The following AVEN variants were observed in gnomAD, a reference collection of about 807,000 sequenced individuals.
The protein encoded by AVEN is apoptosis and caspase activation inhibitor.
Under a neutral mutation model 38.1 loss-of-function variants are expected in AVEN, and 41 were observed. The observed-to-expected ratio is 1.08, with a 90% CI of 0.84 to 1.40. The LOEUF is 1.40. Ranked by LOEUF, AVEN falls within the 40% of genes most tolerant of loss-of-function variation. AVEN has a pLI of 0.00. For synonymous variants in AVEN, 206 were observed against 171.8 expected (o/e 1.20, Z -1.56); for missense variants, 605 against 438.8 (o/e 1.38, Z -3.38).
chr15:33,894,809 C>CA (rs796302436), intron 2 of AVEN, among the ~76,000 whole-genome samples: 1,356 of 17,400 alleles, frequency 0.078, 18 homozygotes, highest in African/African-American at 0.11. Flanking sequence ...GACACCATCT[C>CA]AAAAAAAAAA....
At chr15:34,006,751 T>C (rs1250224630) in intron 1 of AVEN, among the ~76,000 whole-genome samples, 3 of 152,022 alleles carry the variant, frequency 2.0e-5, no homozygotes, top group African/African-American at 7.2e-5. Flanking sequence ...AGAGACAGAG[T>C]TGTCATTAGC....
rs570408397 is a variant in AVEN at position 33,860,953 on chromosome 15, G to A, written n.2730-1859C>T. On this transcript the variant is annotated intron_variant and non_coding_transcript_variant, in intron 11 of 11. Transcript: ENST00000675287. ...CAATGTATGGCACTACTGAGTGAAT[G>A]ACTAATAGCCAAAAGCATTAGAAAG... 29 of 723,564 alleles carry A rather than the reference G, an allele frequency of 4.0e-5. No homozygotes were observed. The East Asian group carries it at 8.9e-4, about 22-fold the overall frequency. The allele number at this position is 723,564 out of a possible 1,614,324, so 44.8% of individuals were successfully genotyped here. A position where few individuals can be genotyped will look rare whatever the true frequency, so the allele number is the denominator to read the frequency against.
At chr15:33,878,050 CATTT>C (rs1364684606) in intron 2 of AVEN, among the ~76,000 whole-genome samples, 2 of 152,064 alleles carry the variant, frequency 1.3e-5, no homozygotes, top group African/African-American at 2.4e-5. Context: ...CAGGAATAAA[CATTT>C]ATTAAAAGAA....
intron 4 of AVEN, among the ~76,000 whole-genome samples, chr15:33,870,008 A>C (rs1890867205): frequency 6.6e-6 from 1 of 152,152 alleles, no homozygotes; most frequent in Non-Finnish European, 1.5e-5. Flanking sequence ...CCACTTGGAT[A>C]TCTCAGAGGC....
At chr15:33,913,930 T>C (rs1238730303) in intron 2 of AVEN, among the ~76,000 whole-genome samples, 1 of 152,188 alleles carries the variant, frequency 6.6e-6, no homozygotes, top group Non-Finnish European at 1.5e-5. Context: ...ATGGGAAATA[T>C]GTGGATATAA....
intron 2 of AVEN, among the ~76,000 whole-genome samples, chr15:33,935,343 A>G (rs537895796): frequency 6.6e-6 from 1 of 152,344 alleles, no homozygotes; most frequent in East Asian, 1.9e-4. Flanking sequence ...ATTCACAATT[A>G]TTGCAATAGT....
chr15:33,990,397 G>T (rs1446685322), intron 2 of AVEN, among the ~76,000 whole-genome samples: 1 of 151,772 alleles, frequency 6.6e-6, no homozygotes, highest in Non-Finnish European at 1.5e-5. Flanking sequence ...AAAAAGAAAA[G>T]AAAAGAATGT....
At position 33,866,351 on chromosome 15, in the gene AVEN, G is replaced by C. The variant is rs992114595; in HGVS notation, c.*262C>G. On this transcript the variant is annotated 3_prime_UTR_variant, in exon 6 of 6. Transcript: ENST00000306730. ...ATGTTGTAAACACTGCAAGGAAGGAGGCTAGAAACAAGGGCCAGAGTCTAT... is the reference window on the plus strand; with the variant it reads ...ATGTTGTAAACACTGCAAGGAAGGACGCTAGAAACAAGGGCCAGAGTCTAT... 6 of 505,704 alleles carry C rather than the reference G, an allele frequency of 1.2e-5. No homozygotes were observed. In the South Asian group the frequency reaches 1.4e-4, roughly 12 times the overall value. 31.3% of individuals were successfully genotyped at this position (505,704 alleles called of 1,614,324 possible).
intron 2 of AVEN, among the ~76,000 whole-genome samples, chr15:33,963,524 C>T (rs1895276618): frequency 6.6e-6 from 1 of 152,084 alleles, no homozygotes; most frequent in Admixed American, 6.5e-5. Flanking sequence ...CAGCCGGGCG[C>T]GGTGGCTCAC....
chr15:34,025,560 C>G (rs1898418916), intron 1 of AVEN, among the ~76,000 whole-genome samples: 1 of 152,164 alleles, frequency 6.6e-6, no homozygotes, highest in Non-Finnish European at 1.5e-5. Context: ...TCTGGTGAAA[C>G]CTCTGTAAGG....
intron 1 of AVEN, among the ~76,000 whole-genome samples, chr15:34,033,001 AGTGAC>A (rs1048252138): frequency 6.6e-6 from 1 of 152,228 alleles, no homozygotes; most frequent in African/African-American, 2.4e-5. Context: ...TAATGAACTG[AGTGAC>A]ATTGATATGG....
chr15:34,017,479 TTTTTG>T (rs1342115149), intron 1 of AVEN, among the ~76,000 whole-genome samples: 32 of 48,796 alleles, frequency 6.6e-4, no homozygotes, highest in South Asian at 3.6e-3. Context: ...TATGATTTTT[TTTTTG>T]TTTTTTTTTT....
At position 34,063,560 on chromosome 15, in the gene AVEN, T is replaced by A. The variant is rs922382711; in HGVS notation, n.1127-128A>T. On this transcript the variant is annotated intron_variant and non_coding_transcript_variant, in intron 4 of 11. Coordinates refer to the AVEN transcript ENST00000675287. The surrounding 1 kb of genome is among the most constrained non-coding windows in gnomAD (Gnocchi z 4.1). Reference sequence around the variant, plus strand: ...CCTCCCGCAGGAGCACCTCCACCACTGGGAAGCCATCCCAAGCCACTGGCC... The same window carrying A: ...CCTCCCGCAGGAGCACCTCCACCACAGGGAAGCCATCCCAAGCCACTGGCC... 1 of 1,613,466 alleles carries A rather than the reference T, an allele frequency of 6.2e-7. No individual in the cohort carries two copies.
chr15:34,024,331 A>T (rs1898341676), intron 1 of AVEN, among the ~76,000 whole-genome samples: 2 of 152,102 alleles, frequency 1.3e-5, no homozygotes, highest in South Asian at 4.2e-4. Flanking sequence ...TGAGATGAAG[A>T]GTGATGGGCG....
intron 2 of AVEN, among the ~76,000 whole-genome samples, chr15:33,923,976 T>C (rs2153048679): frequency 6.7e-6 from 1 of 150,016 alleles, no homozygotes; most frequent in East Asian, 2.0e-4. Flanking sequence ...TTCTACATTA[T>C]GAGTTGTAAA....
intron 5 of AVEN, among the ~76,000 whole-genome samples, chr15:34,057,885 G>A (rs1043571036): frequency 2.0e-5 from 3 of 152,232 alleles, no homozygotes; most frequent in African/African-American, 4.8e-5. Context: ...TGATTGTGAG[G>A]TGATGTTACC....
intron 2 of AVEN, among the ~76,000 whole-genome samples, chr15:33,931,845 T>A (rs1003525700): frequency 6.6e-6 from 1 of 152,308 alleles, no homozygotes; most frequent in East Asian, 1.9e-4. Flanking sequence ...AGAAGTATAG[T>A]TGATTTGCAA....
intron 2 of AVEN, among the ~76,000 whole-genome samples, chr15:33,879,552 TAATAA>T (rs1207195814): frequency 2.2e-4 from 19 of 86,386 alleles, no homozygotes; most frequent in Non-Finnish European, 5.3e-4. Context: ...TAAGGTATAA[TAATAA>T]AATAAAAAAA....
chr15:34,021,926 G>C (rs1047509919), intron 1 of AVEN, among the ~76,000 whole-genome samples: 3 of 152,162 alleles, frequency 2.0e-5, no homozygotes, highest in Admixed American at 1.3e-4. Context: ...AAAGAAGTGA[G>C]CACCCACAGC....
Sources: allele counts gnomAD v4.1 joint callset (sites outside exome capture counted in the v4.1 genomes callset), GRCh38; gene constraint gnomAD v4.1.1; non-coding constraint Gnocchi (gnomAD v3.1); transcripts MANE v1.5; gene names NCBI Gene and HGNC (gene_info 2026-07-23, HGNC 2026-07-21).